EYS: variants seen among roughly 807,000 people sequenced by gnomAD.
The protein encoded by EYS is protein eyes shut homolog.
A neutral mutation model predicts 282.1 loss-of-function variants in EYS; 250 were observed. That is an observed-to-expected ratio of 0.89 (90% CI 0.80 to 0.98). EYS has a LOEUF of 0.98. EYS is among the 50% of genes least tolerant of loss of function. EYS has a pLI of 0.00. For missense variants in EYS, 4,016 were observed against 3,709.0 expected (o/e 1.08, Z -2.15); for synonymous variants, 1,355 against 1,282.9 (o/e 1.06, Z -1.20).
chr6:64,519,763 C>T (rs937851989), intron 26 of EYS, among the ~76,000 whole-genome samples: 76 of 151,702 alleles, frequency 5.0e-4, no homozygotes, highest in African/African-American at 1.7e-3. Context: ...TCTGTGAGTA[C>T]CTTAAACTAT....
intron 36 of EYS, among the ~76,000 whole-genome samples, chr6:63,836,521 A>G (rs569876965): frequency 9.9e-5 from 15 of 152,214 alleles, no homozygotes; most frequent in Non-Finnish European, 2.2e-4. Flanking sequence ...AGTGAGCATA[A>G]TAAACTTTGT....
intron 26 of EYS, among the ~76,000 whole-genome samples, chr6:64,589,108 G>A (rs1045625702): frequency 6.6e-6 from 1 of 151,976 alleles, no homozygotes; most frequent in Non-Finnish European, 1.5e-5. Flanking sequence ...ATTAGGCATT[G>A]TATGTGAGTT....
At chr6:65,547,574 A>T (rs1361849549) in intron 2 of EYS, among the ~76,000 whole-genome samples, 4 of 152,064 alleles carry the variant, frequency 2.6e-5, no homozygotes, top group Non-Finnish European at 5.9e-5. Context: ...TCTGTATTGT[A>T]TTGGGATTAT....
chr6:65,087,973 C>T (rs1422388850), intron 12 of EYS, among the ~76,000 whole-genome samples: 1 of 152,058 alleles, frequency 6.6e-6, no homozygotes, highest in African/African-American at 2.4e-5. Context: ...CTTGTGAGAT[C>T]TGATGGTTTT....
At chr6:65,457,111 A>T (rs1764649839) in intron 5 of EYS, among the ~76,000 whole-genome samples, 1 of 152,090 alleles carries the variant, frequency 6.6e-6, no homozygotes, top group Non-Finnish European at 1.5e-5. Flanking sequence ...TTGCTGATAG[A>T]AGACTCTCCA....
intron 28 of EYS, among the ~76,000 whole-genome samples, chr6:64,427,066 C>T (rs899048692): frequency 6.6e-6 from 1 of 152,036 alleles, no homozygotes; most frequent in African/African-American, 2.4e-5. Flanking sequence ...TTTCTTTTAG[C>T]TTAAATTTGG....
In EYS at chr6:63,720,920, G is replaced by A. The variant is rs1334763086; in HGVS notation, c.9111C>T (p.Gly3037=). The change falls in exon 43 of 43, where the codon GGC becomes GGT. Residue 3037 remains glycine (G), a synonymous_variant. Transcript: ENST00000503581. ...RISVPMSYNN[G]TFCCNKWHHV... ...GGTGCCATTTATTACAACAGAATGT[G>A]CCATTGTTATAGCTCATAGGCACAG... 1.9e-6 allele frequency: 3 copies of A among 1,551,166 alleles called. No homozygotes were observed. The highest frequency in any genetic ancestry group is 2.6e-6 in the Non-Finnish European group (3 of 1,146,656).
At chr6:64,119,485 G>A (rs1230802965) in intron 31 of EYS, among the ~76,000 whole-genome samples, 6 of 152,124 alleles carry the variant, frequency 3.9e-5, no homozygotes, top group Non-Finnish European at 8.8e-5. Context: ...AGGATATTTA[G>A]ATAATACAAT....
rs555342774 is a variant in EYS, at chr6:65,513,615, G to A, written c.-332-17622C>T. On this transcript the variant is annotated intron_variant, in intron 2 of 42. Transcript: ENST00000503581. ...CCATGATTAAGTGGGCTTCATCCCT[G>A]GGATGCAAGGCTGGTTCAATATATG... Among the ~76,000 whole-genome samples, 1,397 of 152,252 alleles carry A rather than the reference G, an allele frequency of 9.2e-3. 29 individuals carry two copies. Among genetic ancestry groups the A allele is most frequent in the African/African-American group, 0.032 (1,347 of 41,536 alleles).
intron 2 of EYS, among the ~76,000 whole-genome samples, chr6:65,534,686 A>G (rs1308262463): frequency 2.6e-5 from 4 of 152,110 alleles, no homozygotes; most frequent in Non-Finnish European, 5.9e-5. Flanking sequence ...TAGTTAGCTT[A>G]TCTACAGCTT....
At position 64,357,917 on chromosome 6, in the gene EYS, G is replaced by A. The variant is rs575883604; in HGVS notation, c.6078+30773C>T. ...ATTAAGTAAACCTAGCCAAGGAAGAGTATTTTCCATTAGTTATTCAAGCAA... is the reference window on the plus strand; with the variant it reads ...ATTAAGTAAACCTAGCCAAGGAAGAATATTTTCCATTAGTTATTCAAGCAA... On this transcript the variant is annotated intron_variant, in intron 29 of 42. Transcript: ENST00000503581. Among the ~76,000 whole-genome samples, 456 of 151,694 alleles carry A rather than the reference G, an allele frequency of 3.0e-3. 2 individuals carry two copies. The highest frequency in any genetic ancestry group is 5.3e-3 in the Non-Finnish European group (362 of 67,698).
chr6:65,464,349 T>C (rs1272001862), intron 5 of EYS, among the ~76,000 whole-genome samples: 1 of 152,138 alleles, frequency 6.6e-6, no homozygotes, highest in African/African-American at 2.4e-5. Context: ...TAGTTAAATT[T>C]TGTTTACTAC....
chr6:63,843,732 T>G (rs1772025280), intron 36 of EYS, among the ~76,000 whole-genome samples: 1 of 152,188 alleles, frequency 6.6e-6, no homozygotes, highest in South Asian at 2.1e-4. Flanking sequence ...AACGTAGTAT[T>G]GGAAGTTCTG....
chr6:64,207,582 T>C (rs1367500462), intron 31 of EYS, among the ~76,000 whole-genome samples: 2 of 152,120 alleles, frequency 1.3e-5, no homozygotes, highest in Non-Finnish European at 2.9e-5. Context: ...GTGAAAAAGA[T>C]GTGAGAAGGT....
chr6:63,837,339 T>A (rs1380322803), intron 36 of EYS, among the ~76,000 whole-genome samples: 1 of 152,050 alleles, frequency 6.6e-6, no homozygotes, highest in Non-Finnish European at 1.5e-5. Flanking sequence ...TTTTTTTTTC[T>A]TGCTGCATGG....
chr6:64,057,950 G>A (rs1298728719), intron 33 of EYS, among the ~76,000 whole-genome samples: 1 of 152,044 alleles, frequency 6.6e-6, no homozygotes, highest in Admixed American at 6.5e-5. Context: ...TCCCACTGCA[G>A]TCTCCAAAGC....
intron 12 of EYS, among the ~76,000 whole-genome samples, chr6:65,064,158 CATATATAAT>C (rs990641497): frequency 5.0e-5 from 7 of 140,664 alleles, no homozygotes; most frequent in South Asian, 2.2e-4. Flanking sequence ...GTATATATAA[CATATATAAT>C]ATATATAATA....
At chr6:64,257,762 G>A (rs1767448741) in intron 30 of EYS, among the ~76,000 whole-genome samples, 1 of 124,202 alleles carries the variant, frequency 8.1e-6, no homozygotes, top group Non-Finnish European at 1.7e-5. Context: ...GCAATGAATG[G>A]TGTGGATGAT....
intron 28 of EYS, among the ~76,000 whole-genome samples, chr6:64,433,841 A>G (rs1774650116): frequency 6.6e-6 from 1 of 152,024 alleles, no homozygotes; most frequent in Non-Finnish European, 1.5e-5. Context: ...AAAAACAATG[A>G]TCAGGTCAAG....
Sources: allele counts gnomAD v4.1 joint callset (sites outside exome capture counted in the v4.1 genomes callset), GRCh38; gene constraint gnomAD v4.1.1; transcripts MANE v1.5; gene names NCBI Gene and HGNC (gene_info 2026-07-23, HGNC 2026-07-21).